The following PPM1L variants were observed in gnomAD, a reference collection of about 807,000 sequenced individuals.
PPM1L encodes the protein protein phosphatase, Mg2+/Mn2+ dependent 1L.
A neutral mutation model predicts 31.4 loss-of-function variants in PPM1L; 13 were observed. The observed-to-expected ratio is 0.41, with a 90% CI of 0.27 to 0.66. The LOEUF is 0.66. Among genes scored for constraint, PPM1L ranks in the 30% least tolerant of loss-of-function variants. The pLI is 0.29. For synonymous variants in PPM1L, 184 were observed against 175.4 expected (o/e 1.05, Z -0.39); for missense variants, 326 against 453.7 (o/e 0.72, Z 2.56).
At chr3:160,761,613 A>G (rs148255164) in intron 1 of PPM1L, among the ~76,000 whole-genome samples, 1 of 152,326 alleles carries the variant, frequency 6.6e-6, no homozygotes, top group African/African-American at 2.4e-5. Context: ...CATCTGGTAC[A>G]TGAACCTCAC....
At chr3:160,890,625 T>G (rs1006836699) in intron 1 of PPM1L, among the ~76,000 whole-genome samples, 5 of 152,182 alleles carry the variant, frequency 3.3e-5, no homozygotes, top group African/African-American at 1.2e-4. Flanking sequence ...TAGAAAAAAC[T>G]ACTTTAAATT....
intron 2 of PPM1L, among the ~76,000 whole-genome samples, chr3:160,968,847 A>G (rs1716236093): frequency 6.6e-6 from 1 of 152,188 alleles, no homozygotes; most frequent in Admixed American, 6.5e-5. Context: ...TGCAGGCCTC[A>G]AGATAGTTGC....
chr3:160,892,151 G>A (rs1220163245), intron 1 of PPM1L, among the ~76,000 whole-genome samples: 1 of 152,014 alleles, frequency 6.6e-6, no homozygotes, highest in Non-Finnish European at 1.5e-5. Flanking sequence ...AAAATAAAAT[G>A]GAAATATATG....
At chr3:160,965,550 T>C (rs893348717) in intron 2 of PPM1L, among the ~76,000 whole-genome samples, 8 of 152,142 alleles carry the variant, frequency 5.3e-5, no homozygotes, top group African/African-American at 1.9e-4. Flanking sequence ...CGAGCATATA[T>C]AAGTTAGGCT....
At chr3:160,919,976 C>A (rs1714332301) in intron 1 of PPM1L, among the ~76,000 whole-genome samples, 1 of 152,144 alleles carries the variant, frequency 6.6e-6, no homozygotes, top group Non-Finnish European at 1.5e-5. Context: ...CTCTCCCCTG[C>A]AACACTGTAT....
intron 2 of PPM1L, among the ~76,000 whole-genome samples, chr3:161,008,206 C>G (rs909319570): frequency 2.0e-5 from 3 of 152,232 alleles, no homozygotes; most frequent in African/African-American, 7.2e-5. Context: ...AAGGAATTAT[C>G]TGACCTTTCT....
intron 1 of PPM1L, among the ~76,000 whole-genome samples, chr3:160,855,917 G>A (rs934686072): frequency 3.3e-5 from 5 of 151,998 alleles, no homozygotes; most frequent in African/African-American, 4.8e-5. Context: ...TATATAAAGG[G>A]GAGTTTATTA....
chr3:161,028,424 A>G (rs1213845161), intron 2 of PPM1L, among the ~76,000 whole-genome samples: 2 of 152,192 alleles, frequency 1.3e-5, no homozygotes, highest in Non-Finnish European at 2.9e-5. Context: ...TGTGAGTGAG[A>G]CAATCTTAGG....
At chr3:160,762,413 G>T (rs530151507) in intron 1 of PPM1L, among the ~76,000 whole-genome samples, 1 of 152,196 alleles carries the variant, frequency 6.6e-6, no homozygotes. Flanking sequence ...TGAACAGGTT[G>T]TTAAGAAATT....
At chr3:161,002,984 A>G (rs1717555478) in intron 2 of PPM1L, among the ~76,000 whole-genome samples, 1 of 150,870 alleles carries the variant, frequency 6.6e-6, no homozygotes, top group East Asian at 1.9e-4. Context: ...CTAACATGTA[A>G]GTCTTTAATC....
At chr3:161,036,106 A>G (rs1718733732) in intron 2 of PPM1L, 1 of 152,232 alleles carries the variant, frequency 6.6e-6, no homozygotes, top group Non-Finnish European at 1.5e-5. Flanking sequence ...TTTGGGGACA[A>G]CATTAATTAT....
intron 2 of PPM1L, among the ~76,000 whole-genome samples, chr3:161,042,912 C>G (rs551343734): frequency 2.0e-5 from 3 of 151,432 alleles, no homozygotes; most frequent in African/African-American, 7.3e-5. Context: ...CCCAGCTACT[C>G]AGGAGGCTGA....
chr3:160,944,829 A>T lies in PPM1L; in HGVS notation c.400-16907A>T, dbSNP rs1359818373. 2.5e-4 allele frequency among the ~76,000 whole-genome samples: 12 copies of T among 47,806 alleles called. 3 individuals are homozygous for T. The highest frequency in any genetic ancestry group is 6.1e-4 in the Non-Finnish European group (11 of 18,154). The allele number at this position is 47,806 out of a possible 152,430, so 31.4% of individuals were successfully genotyped here. Reference sequence around the variant, plus strand: ...TATATAACATATATATGTTATATATAACATATATATGTTATATATAACATA... The same window carrying T: ...TATATAACATATATATGTTATATATTACATATATATGTTATATATAACATA... On this transcript the variant is annotated intron_variant, in intron 1 of 3. Coordinates refer to ENST00000498165, the MANE Select transcript of PPM1L (RefSeq NM_139245.4).
chr3:161,067,064 A>T (rs1449452363), intron 3 of PPM1L, among the ~76,000 whole-genome samples: 2 of 152,162 alleles, frequency 1.3e-5, no homozygotes, highest in East Asian at 1.9e-4. Flanking sequence ...GTAAAACACC[A>T]TCTGCCTGTA....
chr3:160,806,482 T>G (rs1391954177), intron 1 of PPM1L, among the ~76,000 whole-genome samples: 2 of 152,192 alleles, frequency 1.3e-5, no homozygotes, highest in Non-Finnish European at 2.9e-5. Flanking sequence ...ACTTTTCTGT[T>G]TATTCAACTA....
At chr3:160,795,700 A>C (rs1276936884) in intron 1 of PPM1L, among the ~76,000 whole-genome samples, 5 of 152,234 alleles carry the variant, frequency 3.3e-5, no homozygotes, top group Admixed American at 1.3e-4. Flanking sequence ...ATATCGAACA[A>C]TTTAAAAGTA....
At chr3:161,054,349 C>T (rs1267348635) in intron 2 of PPM1L, among the ~76,000 whole-genome samples, 1 of 151,044 alleles carries the variant, frequency 6.6e-6, no homozygotes, top group East Asian at 1.9e-4. Context: ...TGCTGAACTT[C>T]CTCATTGACT....
At position 161,065,497 on chromosome 3, in the gene PPM1L, C is replaced by A; in HGVS notation, c.669C>A (p.Asn223Lys). ...SRGVLCDKDG[N>K]AIPLSHDHKP... ...GGGTCCTGTGTGACAAAGATGGGAA[C>A]GCTATTCCTTTGTCTCATGATCACA... The change falls in exon 3 of 4, where the codon AAC becomes AAA. Residue 223 changes from asparagine to lysine, a missense_variant. This residue lies in a region of PPM1L where 201 missense variants were observed against 298.2 expected (regional missense o/e 0.67). Transcript: ENST00000498165. The A allele has an allele frequency of 6.2e-7, 1 of 1,613,946 alleles. No homozygotes were observed. Among genetic ancestry groups the A allele is most frequent in the Non-Finnish European group, 8.5e-7 (1 of 1,179,904 alleles).
intron 1 of PPM1L, among the ~76,000 whole-genome samples, chr3:160,784,276 T>C (rs1167172985): frequency 2.7e-4 from 41 of 152,228 alleles, no homozygotes; most frequent in Admixed American, 2.7e-3. Context: ...TTAATACTGT[T>C]CTAATCTACC....
Sources: allele counts gnomAD v4.1 joint callset (sites outside exome capture counted in the v4.1 genomes callset), GRCh38; gene constraint gnomAD v4.1.1; regional missense constraint gnomAD v4.1.1; transcripts MANE v1.5; gene names NCBI Gene and HGNC (gene_info 2026-07-23, HGNC 2026-07-21).